Variants in CDH13 observed in about 807,000 individuals in gnomAD.
CDH13 encodes the protein cadherin 13, also known as cadherin-13.
A neutral mutation model predicts 63.8 loss-of-function variants in CDH13; 24 were observed. The ratio of observed to expected loss-of-function variants is 0.38; its 90% CI spans 0.27 to 0.53. The LOEUF is 0.53. CDH13 is among the 20% of genes least tolerant of loss of function. The pLI is 0.85. For synonymous variants in CDH13, 503 were observed against 355.3 expected (o/e 1.42, Z -4.67); for missense variants, 1,049 against 903.1 (o/e 1.16, Z -2.07).
intron 11 of CDH13, among the ~76,000 whole-genome samples, chr16:83,756,892 A>G (rs938413615): frequency 6.6e-6 from 1 of 152,248 alleles, no homozygotes; most frequent in African/African-American, 2.4e-5. Context: ...AACAAGGAGT[A>G]AAGCTGTAAA....
chr16:83,474,921 G>C (rs1358368702), intron 6 of CDH13, among the ~76,000 whole-genome samples: 1 of 152,206 alleles, frequency 6.6e-6, no homozygotes. Flanking sequence ...TGCAGTTCTG[G>C]GGCCATAATG....
chr16:83,610,574 T>G (rs1908767818), intron 8 of CDH13, among the ~76,000 whole-genome samples: 1 of 152,212 alleles, frequency 6.6e-6, no homozygotes, highest in Non-Finnish European at 1.5e-5. Context: ...TTTCCTATTT[T>G]TACCTTATTT....
intron 7 of CDH13, among the ~76,000 whole-genome samples, chr16:83,505,717 AT>A (rs1278177088): frequency 6.6e-6 from 1 of 151,440 alleles, no homozygotes; most frequent in Non-Finnish European, 1.5e-5. Flanking sequence ...CTAATTTTTT[AT>A]TTTTAGTAGA....
chr16:83,794,981 G>A (rs1904275061), intron 13 of CDH13, 42 bp from the exon 14 acceptor site: 1 of 1,571,924 alleles, frequency 6.4e-7, no homozygotes, highest in African/African-American at 1.3e-5. Context: ...TTTGAATTGA[G>A]TGGTGATATT....
chr16:83,337,155 A>G (rs979504055), intron 5 of CDH13, among the ~76,000 whole-genome samples: 6 of 152,166 alleles, frequency 3.9e-5, no homozygotes. Flanking sequence ...TAGTGTGGTG[A>G]ATTAATTGGC....
In CDH13 at chr16:82,650,872, G is replaced by A. The variant is rs575819557; in HGVS notation, c.45+23735G>A. On this transcript the variant is annotated intron_variant, in intron 1 of 13. Transcript: ENST00000567109. ...TTTGGTTGTAAGCCCAGTGGGGCAG[G>A]GCAGTAAACAGTTTAAATTGGAAAG... Among the ~76,000 whole-genome samples, 80 of 152,326 alleles carry A rather than the reference G, an allele frequency of 5.3e-4. 1 individual carries two copies. The South Asian group carries it at 0.01, about 20-fold the overall frequency.
At chr16:82,925,627 C>T (rs904262718) in intron 2 of CDH13, among the ~76,000 whole-genome samples, 4 of 152,160 alleles carry the variant, frequency 2.6e-5, no homozygotes, top group African/African-American at 9.7e-5. Context: ...CATGGCCAAC[C>T]TGAACACTGC....
intron 5 of CDH13, among the ~76,000 whole-genome samples, chr16:83,287,435 C>T (rs1430952098): frequency 2.6e-5 from 4 of 152,178 alleles, no homozygotes; most frequent in East Asian, 1.9e-4. Context: ...CACTCCCCAT[C>T]GCTTGCACTA....
intron 2 of CDH13, among the ~76,000 whole-genome samples, chr16:83,031,586 T>C (rs925676979): frequency 1.3e-5 from 2 of 151,970 alleles, no homozygotes; most frequent in African/African-American, 4.8e-5. Flanking sequence ...AAGGGCCTTC[T>C]CATCTCCTAC....
intron 1 of CDH13, among the ~76,000 whole-genome samples, chr16:82,715,132 T>G (rs1432494021): frequency 6.6e-6 from 1 of 150,660 alleles, no homozygotes; most frequent in Non-Finnish European, 1.5e-5. Context: ...TTAATAATTG[T>G]TATTAACTCA....
intron 6 of CDH13, among the ~76,000 whole-genome samples, chr16:83,368,622 C>T (rs1043607634): frequency 6.6e-6 from 1 of 151,664 alleles, no homozygotes; most frequent in African/African-American, 2.4e-5. Context: ...ACCCATCACC[C>T]GAGCAGTGTC....
intron 6 of CDH13, among the ~76,000 whole-genome samples, chr16:83,385,810 T>C (rs1024785332): frequency 6.6e-6 from 1 of 152,174 alleles, no homozygotes; most frequent in African/African-American, 2.4e-5. Context: ...TCCCGGCATG[T>C]CCCACTATCT....
intron 8 of CDH13, among the ~76,000 whole-genome samples, chr16:83,646,692 C>CAAAAAA (rs199756336): frequency 2.8e-5 from 2 of 72,688 alleles, no homozygotes; most frequent in South Asian, 4.4e-4. Context: ...GACTCCGTCT[C>CAAAAAA]AAAAAAAAAA....
At chr16:83,166,745 T>C (rs1044370494) in intron 4 of CDH13, among the ~76,000 whole-genome samples, 1 of 152,216 alleles carries the variant, frequency 6.6e-6, no homozygotes, top group African/African-American at 2.4e-5. Flanking sequence ...GATAAAATAC[T>C]ATTTTCTAAT....
intron 2 of CDH13, among the ~76,000 whole-genome samples, chr16:82,877,320 T>C (rs2040539179): frequency 1.3e-5 from 2 of 152,218 alleles, no homozygotes; most frequent in Admixed American, 1.3e-4. Flanking sequence ...CCCAGATAAA[T>C]TGATATGCAT....
At chr16:82,968,100 T>A (rs1287965429) in intron 2 of CDH13, among the ~76,000 whole-genome samples, 1 of 152,232 alleles carries the variant, frequency 6.6e-6, no homozygotes, top group Non-Finnish European at 1.5e-5. Flanking sequence ...CTTAAGAATT[T>A]ATTTCCAATT....
At chr16:83,159,713 AT>A (rs1259918266) in intron 4 of CDH13, among the ~76,000 whole-genome samples, 1 of 152,194 alleles carries the variant, frequency 6.6e-6, no homozygotes, top group Non-Finnish European at 1.5e-5. Flanking sequence ...TAACCAACTC[AT>A]TTACAGCATA....
chr16:82,902,851 T>G (rs546063688), intron 2 of CDH13, among the ~76,000 whole-genome samples: 1 of 152,130 alleles, frequency 6.6e-6, no homozygotes, highest in Non-Finnish European at 1.5e-5. Context: ...GTTCATCCAA[T>G]ATAAACTGCC....
intron 7 of CDH13, among the ~76,000 whole-genome samples, chr16:83,522,707 C>G (rs901355514): frequency 1.3e-5 from 2 of 152,212 alleles, no homozygotes; most frequent in African/African-American, 2.4e-5. Context: ...TCCCTGGGCC[C>G]TGTCGGGGTC....
Sources: gnomAD v4.1 joint callset for allele counts (sites outside exome capture counted in the v4.1 genomes callset) on GRCh38, gnomAD v4.1.1 for gene constraint, MANE v1.5 for transcripts, NCBI Gene and HGNC (gene_info 2026-07-23, HGNC 2026-07-21) for gene names.